SPOCK1: variants seen among roughly 807,000 people sequenced by gnomAD.
The protein encoded by SPOCK1 is testican-1.
Under a neutral mutation model 55.3 loss-of-function variants are expected in SPOCK1, and 23 were observed. That is an observed-to-expected ratio of 0.42 (90% CI 0.30 to 0.59). SPOCK1 has a LOEUF of 0.59. Ranked by LOEUF, SPOCK1 falls within the 20% of genes least tolerant of loss-of-function variation. The pLI, the probability that SPOCK1 is intolerant of heterozygous loss-of-function variation, is 0.22. For synonymous variants in SPOCK1, 226 were observed against 221.0 expected (o/e 1.02, Z -0.20); for missense variants, 499 against 552.5 (o/e 0.90, Z 0.97).
chr5:137,212,994 T>G (rs1290366147), intron 3 of SPOCK1, among the ~76,000 whole-genome samples: 1 of 152,116 alleles, frequency 6.6e-6, no homozygotes, highest in African/African-American at 2.4e-5. Flanking sequence ...GTCAAGGCCA[T>G]GAGTCTTGGT....
chr5:137,096,981 A>G (rs1753160843), intron 5 of SPOCK1, among the ~76,000 whole-genome samples: 1 of 152,222 alleles, frequency 6.6e-6, no homozygotes. Context: ...CCCTCTCTGC[A>G]TTATCTGAAG....
chr5:137,395,692 G>T (rs71589360), intron 2 of SPOCK1, among the ~76,000 whole-genome samples: 1 of 152,246 alleles, frequency 6.6e-6, no homozygotes, highest in East Asian at 1.9e-4. Context: ...TGATGGAGCA[G>T]AAATAATGTT....
At chr5:137,497,027 T>G (rs776342672) in intron 2 of SPOCK1, among the ~76,000 whole-genome samples, 4 of 152,270 alleles carry the variant, frequency 2.6e-5, no homozygotes, top group Non-Finnish European at 5.9e-5. Context: ...CACACAAAGC[T>G]ATGAGTGCAT....
chr5:137,109,670 T>C (rs1428790854), intron 5 of SPOCK1, among the ~76,000 whole-genome samples: 3 of 152,140 alleles, frequency 2.0e-5, no homozygotes, highest in Non-Finnish European at 4.4e-5. Context: ...TCTTATCTCA[T>C]GTTTCTCCAC....
intron 3 of SPOCK1, among the ~76,000 whole-genome samples, chr5:137,160,593 A>AAT (rs1554100837): frequency 1.8e-4 from 13 of 71,014 alleles, no homozygotes; most frequent in African/African-American, 6.7e-4. Flanking sequence ...TATAATATAT[A>AAT]ATATATTATA....
chr5:137,226,581 T>C (rs1755951394), intron 3 of SPOCK1, among the ~76,000 whole-genome samples: 1 of 152,188 alleles, frequency 6.6e-6, no homozygotes, highest in African/African-American at 2.4e-5. Flanking sequence ...CCCCTCAATA[T>C]GGCTGATGAG....
chr5:137,126,531 A>G (rs535385191), intron 4 of SPOCK1, among the ~76,000 whole-genome samples: 36 of 152,184 alleles, frequency 2.4e-4, no homozygotes, highest in African/African-American at 8.2e-4. Flanking sequence ...GGGAGGCCAA[A>G]GCGGGTGGAT....
intron 5 of SPOCK1, among the ~76,000 whole-genome samples, chr5:137,099,967 G>A (rs1203833946): frequency 1.3e-5 from 2 of 152,058 alleles, no homozygotes; most frequent in Non-Finnish European, 2.9e-5. Context: ...CTACAACCAG[G>A]GATTTCCCTT....
chr5:137,154,073 A>T (rs1754368424), intron 3 of SPOCK1, among the ~76,000 whole-genome samples: 1 of 152,014 alleles, frequency 6.6e-6, no homozygotes, highest in Admixed American at 6.5e-5. Flanking sequence ...AGATCATCTG[A>T]GGTTGGGAGT....
Position 137,162,256 on chromosome 5 carries a change from T to C in SPOCK1, c.233-21562A>G, listed in dbSNP as rs1754572790. Among the ~76,000 whole-genome samples, 3 of 151,650 alleles carry C rather than the reference T, an allele frequency of 2.0e-5. No homozygotes were observed. In the South Asian group the frequency reaches 6.3e-4, roughly 32 times the overall value. The stretch of plus-strand genomic sequence containing the variant: ...GGATTCAAGCAATTCTCCTGCCTCA[T>C]TCTCCCGACTAGCTGGGGCTACAGG... On this transcript the variant is annotated intron_variant, in intron 3 of 10. Transcript: ENST00000394945.
chr5:137,232,084 C>T (rs894870383), intron 3 of SPOCK1, among the ~76,000 whole-genome samples: 9 of 152,288 alleles, frequency 5.9e-5, no homozygotes, highest in Admixed American at 2.0e-4. Context: ...GAGTTCTTTA[C>T]ATATTCTCAA....
intron 6 of SPOCK1, among the ~76,000 whole-genome samples, chr5:137,007,279 A>G (rs1751266569): frequency 6.6e-6 from 1 of 152,196 alleles, no homozygotes; most frequent in Admixed American, 6.5e-5. Context: ...ACAAAAGCCA[A>G]AATTGACAAA....
intron 2 of SPOCK1, among the ~76,000 whole-genome samples, chr5:137,275,192 AAGTACAAATTATACTGGCCTG>A (rs1254501279): frequency 1.3e-5 from 2 of 152,212 alleles, no homozygotes; most frequent in African/African-American, 4.8e-5. Flanking sequence ...ATTTCAGAGA[AAGTACAAATTATACTGGCCTG>A]AGGCCCAGCC....
At chr5:137,146,515 GT>G (rs2127055336) in intron 3 of SPOCK1, among the ~76,000 whole-genome samples, 1 of 152,312 alleles carries the variant, frequency 6.6e-6, no homozygotes, top group African/African-American at 2.4e-5. Context: ...GACACTCCCA[GT>G]GATTCATTAG....
Position 137,039,270 on chromosome 5 carries a change from C to CTTTTTTTTTTTTTT in SPOCK1, c.589+28431_589+28444dup, listed in dbSNP as rs11479277. ...TCACTCTGCCTTTCTGCCTGCCACA[C>CTTTTTTTTTTTTTT]TTTTTTTTTTTTTTTTTTTTTTTTT... On this transcript the variant is annotated intron_variant, in intron 6 of 10. Transcript: ENST00000394945. Among the ~76,000 whole-genome samples, 22 of 88,936 alleles carry CTTTTTTTTTTTTTT rather than the reference C, an allele frequency of 2.5e-4. 2 individuals carry two copies. The highest frequency in any genetic ancestry group is 1.0e-3 in the South Asian group (2 of 1,972). 58.3% of individuals were successfully genotyped at this position (88,936 alleles called of 152,430 possible). A position where few individuals can be genotyped will look rare whatever the true frequency, so the allele number is the denominator to read the frequency against.
chr5:137,131,933 C>T (rs1753887727), intron 4 of SPOCK1, among the ~76,000 whole-genome samples: 1 of 124,132 alleles, frequency 8.1e-6, no homozygotes, highest in Non-Finnish European at 1.6e-5. Context: ...GATCGCGCCA[C>T]TGCACTCCAG....
intron 2 of SPOCK1, among the ~76,000 whole-genome samples, chr5:137,382,308 C>T (rs558458388): frequency 1.3e-5 from 2 of 152,332 alleles, no homozygotes; most frequent in African/African-American, 4.8e-5. Context: ...AACTTTCCCA[C>T]ATCTTTCTGT....
At chr5:137,322,707 T>C (rs1333646259) in intron 2 of SPOCK1, among the ~76,000 whole-genome samples, 1 of 148,074 alleles carries the variant, frequency 6.8e-6, no homozygotes, top group Non-Finnish European at 1.5e-5. Context: ...AGCATATCCT[T>C]ACCAAAAAAA....
At chr5:137,132,325 G>C (rs911058993) in intron 4 of SPOCK1, among the ~76,000 whole-genome samples, 2 of 151,960 alleles carry the variant, frequency 1.3e-5, no homozygotes, top group Non-Finnish European at 2.9e-5. Context: ...ATTCACACCT[G>C]AGTGCTGCCC....
Sources: gnomAD v4.1 joint callset for allele counts (sites outside exome capture counted in the v4.1 genomes callset) on GRCh38, gnomAD v4.1.1 for gene constraint, MANE v1.5 for transcripts, NCBI Gene and HGNC (gene_info 2026-07-23, HGNC 2026-07-21) for gene names.